Variants in GNA13 observed in about 807,000 individuals in gnomAD.
The protein encoded by GNA13 is G protein subunit alpha 13.
Under a neutral mutation model 33.5 loss-of-function variants are expected in GNA13, and 4 were observed. The ratio of observed to expected loss-of-function variants is 0.12; its 90% confidence interval spans 0.06 to 0.27. The LOEUF (loss-of-function observed/expected upper bound fraction) is 0.27. GNA13 is among the 10% of genes least tolerant of loss of function. The pLI is 1.00. For missense variants in GNA13, 319 were observed against 487.2 expected (o/e 0.65, Z 3.25); for synonymous variants, 176 against 183.8 (o/e 0.96, Z 0.34).
At chr17:65,048,768 G>T (rs1048802789) in intron 2 of GNA13, among the ~76,000 whole-genome samples, 1 of 152,174 alleles carries the variant, frequency 6.6e-6, no homozygotes, top group Non-Finnish European at 1.5e-5. Flanking sequence ...AAGGGCAGTT[G>T]TTCATCTTAG....
chr17:65,051,928 C>A (rs1259572699), intron 2 of GNA13: 1 of 152,138 alleles, frequency 6.6e-6, no homozygotes, highest in Non-Finnish European at 1.5e-5. Context: ...TAATCAAATG[C>A]TAGTTGAATG....
intron 2 of GNA13, among the ~76,000 whole-genome samples, chr17:65,033,574 G>A (rs1907132769): frequency 6.6e-6 from 1 of 152,032 alleles, no homozygotes; most frequent in Non-Finnish European, 1.5e-5. Flanking sequence ...AGTTCAGGAG[G>A]AGTAAAATGT....
Position 65,015,268 on chromosome 17 carries a change from C to G in GNA13, c.562-439G>C, listed in dbSNP as rs796271570. Among the ~76,000 whole-genome samples, 66 of 152,274 alleles carry G rather than the reference C, an allele frequency of 4.3e-4. 1 individual carries two copies. The highest frequency in any genetic ancestry group is 1.4e-3 in the African/African-American group (57 of 41,554). The stretch of plus-strand genomic sequence containing the variant: ...CCCACCCTCACTGCTATATATCCAC[C>G]TGCAATCTTACTCCCCACTATCAGC... On this transcript the variant is annotated intron_variant, in intron 3 of 3. Coordinates refer to ENST00000439174, the MANE Select transcript of GNA13 (RefSeq NM_006572.6).
chr17:65,015,478 C>T (rs916891543), intron 3 of GNA13, among the ~76,000 whole-genome samples: 9 of 151,856 alleles, frequency 5.9e-5, no homozygotes, highest in African/African-American at 2.2e-4. Context: ...CTGGCTAACA[C>T]AGTGAAACCC....
At chr17:65,056,253 C>A (rs1459637724) in intron 1 of GNA13, 58 bp downstream of exon 1, 2 of 1,106,154 alleles carry the variant, frequency 1.8e-6, no homozygotes, top group Non-Finnish European at 2.6e-6. Context: ...CGCCCCGCAC[C>A]CGCCGCCGCC....
chr17:65,048,431 C>T (rs1260808182), intron 2 of GNA13, among the ~76,000 whole-genome samples: 1 of 152,200 alleles, frequency 6.6e-6, no homozygotes, highest in East Asian at 1.9e-4. Flanking sequence ...GTTGAATGTA[C>T]AGCCAGAGTA....
rs1232295197 is a variant in GNA13, at chr17:65,009,972, C to T, written c.*4285G>A. Among the ~76,000 whole-genome samples the T allele has an allele frequency of 6.6e-6, 1 of 152,190 alleles. No individual in the cohort carries two copies. Among genetic ancestry groups the T allele is most frequent in the Non-Finnish European group, 1.5e-5 (1 of 68,032 alleles). ...GATATTCACTGACTGAAATTTTATG[C>T]ACACTGAGTTCCAGCATACTCTGAT... is the stretch of plus-strand genomic sequence containing the variant. On this transcript the variant is annotated 3_prime_UTR_variant, in exon 4 of 4. Transcript: ENST00000439174.
chr17:65,035,746 T>G (rs972621839), intron 2 of GNA13, among the ~76,000 whole-genome samples: 1 of 152,102 alleles, frequency 6.6e-6, no homozygotes, highest in Non-Finnish European at 1.5e-5. Flanking sequence ...TCAAGAAATA[T>G]TTAGCTTTGT....
rs541468299 is a variant in GNA13 at position 65,037,597 on chromosome 17, C to T, written c.510+15905G>A. ...TTTCTGGCCACTTCTGCTAGGATCT[C>T]CTCCTCTGAACATTCTCAAAAGATG... On this transcript the variant is annotated intron_variant, in intron 2 of 3. Coordinates refer to ENST00000439174, the MANE Select transcript of GNA13 (RefSeq NM_006572.6). 7.2e-5 allele frequency among the ~76,000 whole-genome samples: 11 copies of T among 151,966 alleles called. No individual in the cohort carries two copies. The South Asian group carries it at 2.3e-3, about 32-fold the overall frequency.
Position 65,011,216 on chromosome 17 carries a change from A to T in GNA13, c.*3041T>A, listed in dbSNP as rs1041202532. ...TCTTATTTCCTTCTACTTTAAACCA[A>T]CCACTGCCACCAACTGAATAAGGAT... On this transcript the variant is annotated 3_prime_UTR_variant, in exon 4 of 4. Transcript: ENST00000439174. The T allele has an allele frequency of 2.5e-5, 5 of 200,052 alleles. No homozygotes were observed. Among genetic ancestry groups the T allele is most frequent in the Non-Finnish European group, 4.1e-5 (4 of 96,934 alleles). The allele number at this position is 200,052 out of a possible 1,614,324, so 12.4% of individuals were successfully genotyped here. A position where few individuals can be genotyped will look rare whatever the true frequency, so the allele number is the denominator to read the frequency against.
chr17:65,009,454 T>A lies in GNA13; in HGVS notation c.*4803A>T, dbSNP rs1277104172. On this transcript the variant is annotated 3_prime_UTR_variant, in exon 4 of 4. Coordinates refer to ENST00000439174, the MANE Select transcript of GNA13 (RefSeq NM_006572.6). ...ATTCTTTCCACTTTTAGACCTCCTT[T>A]AGAAATAATTTATTGCCCATCCTGA... 6.6e-6 allele frequency among the ~76,000 whole-genome samples: 1 copy of A among 152,196 alleles called. No individual in the cohort carries two copies. The highest frequency in any genetic ancestry group is 1.5e-5 in the Non-Finnish European group (1 of 68,046).
At chr17:65,053,959 C>G (rs1466286861) in intron 1 of GNA13, among the ~76,000 whole-genome samples, 1 of 152,104 alleles carries the variant, frequency 6.6e-6, no homozygotes, top group African/African-American at 2.4e-5. Context: ...TAGCACAATT[C>G]CTCTCTCTGA....
At chr17:65,052,899 C>A (rs775110106) in intron 2 of GNA13, among the ~76,000 whole-genome samples, 8 of 152,120 alleles carry the variant, frequency 5.3e-5, no homozygotes, top group Non-Finnish European at 8.8e-5. Flanking sequence ...TGGTGGCACG[C>A]GCCTATAGAC....
chr17:65,023,369 G>GA (rs1463220249), intron 2 of GNA13, among the ~76,000 whole-genome samples: 10 of 152,190 alleles, frequency 6.6e-5, no homozygotes, highest in African/African-American at 2.4e-4. Flanking sequence ...AACAAAAAGT[G>GA]AAAATTCTGA....
At chr17:65,038,821 G>A (rs1016423690) in intron 2 of GNA13, among the ~76,000 whole-genome samples, 1 of 152,106 alleles carries the variant, frequency 6.6e-6, no homozygotes, top group Non-Finnish European at 1.5e-5. Context: ...GTTGATAGTT[G>A]GGCAAAATCA....
At chr17:65,055,819 C>T in intron 1 of GNA13, 1 of 955,676 alleles carries the variant, frequency 1.0e-6, no homozygotes, top group Non-Finnish European at 1.2e-6. Context: ...GCCAAGGAAG[C>T]AGGGAGTTGG....
chr17:65,038,812 T>C (rs1042588535), intron 2 of GNA13, among the ~76,000 whole-genome samples: 10 of 152,218 alleles, frequency 6.6e-5, no homozygotes, highest in Non-Finnish European at 1.0e-4. Context: ...CTTACATCAG[T>C]TGATAGTTGG....
chr17:65,038,724 G>A (rs1434720100), intron 2 of GNA13, among the ~76,000 whole-genome samples: 1 of 152,060 alleles, frequency 6.6e-6, no homozygotes, highest in Non-Finnish European at 1.5e-5. Flanking sequence ...ACCGTGCCCC[G>A]CCCAAAAATA....
chr17:65,027,680 G>A (rs1014124453), intron 2 of GNA13, among the ~76,000 whole-genome samples: 1 of 152,152 alleles, frequency 6.6e-6, no homozygotes, highest in Admixed American at 6.5e-5. Flanking sequence ...TGAAAAAAGT[G>A]AGTATCACAG....
Sources: gnomAD v4.1 joint callset for allele counts (sites outside exome capture counted in the v4.1 genomes callset) on GRCh38, gnomAD v4.1.1 for gene constraint, MANE v1.5 for transcripts, NCBI Gene and HGNC (gene_info 2026-07-23, HGNC 2026-07-21) for gene names.